Variants in OR51B5 observed in about 807,000 individuals in gnomAD.
The protein encoded by OR51B5 is olfactory receptor family 51 subfamily B member 5, also known as olfactory receptor 51B5.
For missense variants in OR51B5, 456 were observed against 374.6 expected, an observed-to-expected ratio of 1.22 and a Z score of -1.79; for synonymous variants, 186 against 144.8, an observed-to-expected ratio of 1.28 and a Z score of -2.04.
At chr11:5,343,443 A>C in exon 1 of OR51B5, 1 of 1,609,254 alleles carries the variant, frequency 6.2e-7, no homozygotes, top group Non-Finnish European at 8.5e-7. Context: ...AACAAGAAAA[A>C]TACGGAAATC....
At chr11:5,342,599 C>A in exon 1 of OR51B5, 1 of 1,586,810 alleles carries the variant, frequency 6.3e-7, no homozygotes, top group Non-Finnish European at 8.6e-7. Flanking sequence ...GGTTCCAATT[C>A]TATGGGTAGT....
chr11:5,417,420 G>C (rs550250701), intron 1 of OR51B5, among the ~76,000 whole-genome samples: 6 of 152,118 alleles, frequency 3.9e-5, no homozygotes, highest in Admixed American at 6.5e-5. Context: ...AGCCAAAATT[G>C]ACAAATGGGA....
intron 1 of OR51B5, among the ~76,000 whole-genome samples, chr11:5,472,071 G>C (rs1034997812): frequency 1.1e-4 from 17 of 152,110 alleles, no homozygotes; most frequent in African/African-American, 3.6e-4. Flanking sequence ...ATTGGCATAT[G>C]AGTTAATCGC....
At chr11:5,389,912 G>A (rs377199615) in intron 1 of OR51B5, 4 of 1,611,668 alleles carry the variant, frequency 2.5e-6, no homozygotes, top group African/African-American at 1.3e-5. Flanking sequence ...TATCCCTATT[G>A]TCCTCCTCCT....
intron 1 of OR51B5, chr11:5,393,391 A>T (rs1416277701): frequency 1.3e-5 from 2 of 152,132 alleles, no homozygotes; most frequent in South Asian, 4.1e-4. Context: ...AATAAAAATA[A>T]GCAAAATTAG....
chr11:5,341,290 C>T (rs1385597776), downstream of OR51B5: 1 of 151,940 alleles, frequency 6.6e-6, no homozygotes, highest in African/African-American at 2.4e-5. Flanking sequence ...CAGTATTTGC[C>T]TATGGCCTGC....
chr11:5,504,604 T>A (rs2133822224), intron 1 of OR51B5, among the ~76,000 whole-genome samples: 1 of 152,248 alleles, frequency 6.6e-6, no homozygotes, highest in Non-Finnish European at 1.5e-5. Context: ...CCCCTAAAAT[T>A]CTCATAGCCT....
chr11:5,347,979 G>C (rs1849019036), upstream of OR51B5, among the ~76,000 whole-genome samples: 2 of 152,022 alleles, frequency 1.3e-5, no homozygotes, highest in African/African-American at 4.8e-5. Context: ...GAATGGAAGG[G>C]AACAAAGTTT....
intron 1 of OR51B5, chr11:5,402,488 T>C (rs1849985751): frequency 2.8e-6 from 1 of 360,476 alleles, no homozygotes; most frequent in South Asian, 2.2e-5. Flanking sequence ...AGTTTGCTTT[T>C]TTCTTCCCTT....
intron 1 of OR51B5, among the ~76,000 whole-genome samples, chr11:5,398,754 T>C (rs2133738432): frequency 6.6e-6 from 1 of 152,282 alleles, no homozygotes; most frequent in African/African-American, 2.4e-5. Flanking sequence ...AAGGCAGTTT[T>C]CCCTCTTCTT....
chr11:5,475,578 T>A (rs984669425), intron 1 of OR51B5, among the ~76,000 whole-genome samples: 2 of 152,142 alleles, frequency 1.3e-5, no homozygotes, highest in Admixed American at 6.6e-5. Flanking sequence ...TACTAATACT[T>A]ACATAACATT....
chr11:5,489,741 G>A (rs181564021), intron 1 of OR51B5: 8 of 956,000 alleles, frequency 8.4e-6, no homozygotes, highest in South Asian at 1.6e-5. Flanking sequence ...ACACAGTGAT[G>A]ATGTGAAAGG....
chr11:5,351,783 T>C lies in OR51B5; in HGVS notation n.85-4873A>G, dbSNP rs139595667. 7.6e-4 allele frequency: 1,233 copies of C among 1,614,128 alleles called. 7 individuals are homozygous for C. The African/African-American group carries it at 0.015, about 20-fold the overall frequency. On this transcript the variant is annotated intron_variant and non_coding_transcript_variant, in intron 1 of 4. Transcript: ENST00000415970. ...GGTTAGATCACAGGGAGATTGGCCATGGAGCCTGCTTCTCTCAGGCCTATT... is the reference window on the plus strand; with the variant it reads ...GGTTAGATCACAGGGAGATTGGCCACGGAGCCTGCTTCTCTCAGGCCTATT...
intron 1 of OR51B5, among the ~76,000 whole-genome samples, chr11:5,352,879 T>TTA (rs1442427550): frequency 2.0e-5 from 3 of 147,576 alleles, no homozygotes; most frequent in Non-Finnish European, 4.5e-5. Flanking sequence ...CTGTGTGTGT[T>TTA]TATATATATT....
chr11:5,368,893 C>T (rs1849412397), intron 1 of OR51B5, among the ~76,000 whole-genome samples: 1 of 152,142 alleles, frequency 6.6e-6, no homozygotes, highest in Non-Finnish European at 1.5e-5. Flanking sequence ...AGGTTTCCTT[C>T]TGAGGATGTT....
chr11:5,422,505 A>C (rs1375699068), intron 1 of OR51B5: 2 of 1,614,126 alleles, frequency 1.2e-6, no homozygotes, highest in East Asian at 2.2e-5. Context: ...TGTTTTGCTC[A>C]GTTTTTCTTC....
At chr11:5,355,341 A>C (rs189358152) in intron 1 of OR51B5, 3 of 159,920 alleles carry the variant, frequency 1.9e-5, no homozygotes, top group Admixed American at 6.5e-5. Flanking sequence ...TTCATAAGGA[A>C]ACTGTGGTGC....
At chr11:5,403,153 A>T (rs775867685) in intron 1 of OR51B5, 5 of 463,700 alleles carry the variant, frequency 1.1e-5, no homozygotes, top group Non-Finnish European at 2.2e-5. Context: ...TCTGCACCCC[A>T]ATCTTATCTA....
At chr11:5,497,202 T>C (rs898032535) in intron 1 of OR51B5, among the ~76,000 whole-genome samples, 2 of 152,192 alleles carry the variant, frequency 1.3e-5, no homozygotes, top group African/African-American at 4.8e-5. Flanking sequence ...CTGGTACATA[T>C]TGACATGTTA....
Sources: allele counts gnomAD v4.1 joint callset (sites outside exome capture counted in the v4.1 genomes callset), GRCh38; gene constraint gnomAD v4.1.1; transcripts MANE v1.5; gene names NCBI Gene and HGNC (gene_info 2026-07-23, HGNC 2026-07-21).